Variants in NEO1 observed in about 807,000 individuals in gnomAD.
NEO1 encodes the protein neogenin.
Under a neutral mutation model 159.7 loss-of-function variants are expected in NEO1, and 63 were observed. The observed-to-expected ratio is 0.39, with a 90% CI of 0.32 to 0.49. The LOEUF (loss-of-function observed/expected upper bound fraction) is 0.49. NEO1 is among the 20% of genes least tolerant of loss of function. The probability of loss-of-function intolerance (pLI) is 0.85; values close to 1 mark genes in which losing one functional copy is unlikely to be tolerated. For missense variants in NEO1, 1,615 were observed against 1,831.0 expected, an observed-to-expected ratio of 0.88 and a Z score of 2.15; for synonymous variants, 633 against 662.0, an observed-to-expected ratio of 0.96 and a Z score of 0.67.
intron 1 of NEO1, among the ~76,000 whole-genome samples, chr15:73,060,785 T>TA (rs1195959503): frequency 6.6e-6 from 1 of 152,086 alleles, no homozygotes; most frequent in African/African-American, 2.4e-5. Flanking sequence ...TAGCTGGGGC[T>TA]ACAGTCATGC....
rs892009744 is a variant in NEO1, at chr15:73,189,337, G to A, written c.1291+10910G>A. On this transcript the variant is annotated intron_variant, in intron 7 of 28. Transcript: ENST00000261908. ...TGAAAACTAGGCTGCCTGTATAGTC[G>A]GGTTTTGCATCCTGCAAATACCGTA... Among the ~76,000 whole-genome samples the A allele has an allele frequency of 3.9e-5, 6 of 152,110 alleles. No homozygotes were observed. The East Asian group carries it at 7.7e-4, about 20-fold the overall frequency.
intron 2 of NEO1, among the ~76,000 whole-genome samples, chr15:73,121,918 C>G (rs554889043): frequency 1.3e-5 from 2 of 151,744 alleles, no homozygotes; most frequent in African/African-American, 4.8e-5. Flanking sequence ...TTCTCTCCTT[C>G]TGCACTCTTA....
chr15:73,240,070 A>G (rs1303478267), intron 8 of NEO1, among the ~76,000 whole-genome samples: 2 of 152,260 alleles, frequency 1.3e-5, no homozygotes, highest in East Asian at 1.9e-4. Flanking sequence ...ACAAAGAATT[A>G]TCCTGCCCAA....
chr15:73,158,508 C>G (rs1004375584), intron 5 of NEO1, among the ~76,000 whole-genome samples: 3 of 151,928 alleles, frequency 2.0e-5, no homozygotes, highest in Non-Finnish European at 2.9e-5. Context: ...AGCAATCCTC[C>G]TGCTTCAGCC....
At chr15:73,301,294 A>G (rs754079618) in intron 27 of NEO1, 27 bp from the exon 28 acceptor site, 11 of 1,613,914 alleles carry the variant, frequency 6.8e-6, no homozygotes, top group Non-Finnish European at 9.3e-6. Flanking sequence ...GCTTGGCCAC[A>G]TATCTGATGG....
intron 13 of NEO1, among the ~76,000 whole-genome samples, chr15:73,256,763 T>G (rs1275038923): frequency 6.6e-6 from 1 of 151,972 alleles, no homozygotes; most frequent in Non-Finnish European, 1.5e-5. Flanking sequence ...CTGAGAAATA[T>G]CACTAAGGGA....
intron 5 of NEO1, among the ~76,000 whole-genome samples, chr15:73,172,338 T>C (rs1433260205): frequency 6.6e-6 from 1 of 152,206 alleles, no homozygotes; most frequent in African/African-American, 2.4e-5. Flanking sequence ...GGAAATAATA[T>C]AATATTAACT....
At chr15:73,116,463 C>T in intron 1 of NEO1, 77 bp from the exon 2 acceptor site, 1 of 1,268,138 alleles carries the variant, frequency 7.9e-7, no homozygotes, top group Non-Finnish European at 1.1e-6. Context: ...AATTTTTGGA[C>T]TTGTTAGTAA....
chr15:73,293,313 A>C (rs1258216024), intron 25 of NEO1, 77 bp from the exon 26 acceptor site: 2 of 1,561,478 alleles, frequency 1.3e-6, no homozygotes, highest in African/African-American at 2.7e-5. Context: ...GAAGGGGGTG[A>C]CTTTGCTCTT....
intron 1 of NEO1, among the ~76,000 whole-genome samples, chr15:73,110,261 G>A (rs953168523): frequency 6.6e-6 from 1 of 152,088 alleles, no homozygotes; most frequent in Non-Finnish European, 1.5e-5. Context: ...TGACAGTAGT[G>A]TCTTAGCTTA....
intron 5 of NEO1, among the ~76,000 whole-genome samples, chr15:73,157,488 T>A (rs758938661): frequency 5.9e-5 from 9 of 152,158 alleles, no homozygotes; most frequent in Non-Finnish European, 1.2e-4. Flanking sequence ...GTCAAGGTGC[T>A]CTCCTACAGC....
intron 11 of NEO1, among the ~76,000 whole-genome samples, chr15:73,251,281 C>T (rs2415146): frequency 0.29 from 43,643 of 151,756 alleles, 7,313 homozygotes; most frequent in East Asian, 0.57. Context: ...GAGGCCAAGT[C>T]GGGCAACTTA....
chr15:73,272,379 C>A, intron 18 of NEO1, 76 bp from the exon 19 acceptor site: 1 of 1,093,408 alleles, frequency 9.1e-7, no homozygotes, highest in South Asian at 1.5e-5. Context: ...TTTTGCCTTA[C>A]AAGTGGAAAA....
chr15:73,098,324 C>G (rs377527503), intron 1 of NEO1, among the ~76,000 whole-genome samples: 1 of 151,972 alleles, frequency 6.6e-6, no homozygotes, highest in South Asian at 2.1e-4. Context: ...TTTTTAAAAT[C>G]TAATTTTGTT....
At chr15:73,052,412 G>GCCCCCCCCCCCCCC (rs1182316618), upstream of NEO1, 1 of 8,082 alleles carries the variant, frequency 1.2e-4, no homozygotes, top group Non-Finnish European at 2.6e-4. Flanking sequence ...CCGACCCACC[G>GCCCCCCCCCCCCCC]CCCCCCCCCC....
At chr15:73,293,960 C>G (rs1002130706) in intron 26 of NEO1, among the ~76,000 whole-genome samples, 1 of 152,192 alleles carries the variant, frequency 6.6e-6, no homozygotes, top group Non-Finnish European at 1.5e-5. Flanking sequence ...TTAACTGTTA[C>G]ATACAGGTTA....
At chr15:73,267,054 C>T (rs546719909) in intron 16 of NEO1, among the ~76,000 whole-genome samples, 5 of 152,276 alleles carry the variant, frequency 3.3e-5, no homozygotes, top group South Asian at 2.1e-4. Flanking sequence ...GTCAGGAGAT[C>T]GAGACCATCC....
intron 5 of NEO1, among the ~76,000 whole-genome samples, chr15:73,159,888 A>AAT (rs2034046833): frequency 1.3e-5 from 2 of 152,154 alleles, no homozygotes; most frequent in African/African-American, 4.8e-5. Context: ...TATCATCACC[A>AAT]ATATATATAA....
chr15:73,130,801 A>G (rs986328652), intron 4 of NEO1, among the ~76,000 whole-genome samples: 1 of 152,244 alleles, frequency 6.6e-6, no homozygotes, highest in Non-Finnish European at 1.5e-5. Context: ...AAGGAGGCCC[A>G]GCGGAGAGTC....
Sources: allele counts gnomAD v4.1 joint callset (sites outside exome capture counted in the v4.1 genomes callset), GRCh38; gene constraint gnomAD v4.1.1; transcripts MANE v1.5; gene names NCBI Gene and HGNC (gene_info 2026-07-23, HGNC 2026-07-21).